Variants in MYO3A observed in about 807,000 individuals in gnomAD.
The protein encoded by MYO3A is myosin IIIA.
In MYO3A, 180 loss-of-function variants were observed where a neutral mutation model predicts 192.7. The observed-to-expected ratio is 0.93, with a 90% CI of 0.83 to 1.06. The LOEUF is 1.06. Ranked by LOEUF, MYO3A falls within the 50% of genes least tolerant of loss-of-function variation. The pLI is 0.00. For synonymous variants in MYO3A, 628 were observed against 645.3 expected, an observed-to-expected ratio of 0.97 and a Z score of 0.41; for missense variants, 1,896 against 1,905.0, an observed-to-expected ratio of 1.00 and a Z score of 0.09.
chr10:26,109,533 A>C (rs949356623), intron 17 of MYO3A, among the ~76,000 whole-genome samples: 1 of 152,176 alleles, frequency 6.6e-6, no homozygotes, highest in Non-Finnish European at 1.5e-5. Flanking sequence ...CAGTTCAAAA[A>C]TACATAGTAC....
At chr10:26,138,770 A>G (rs1005983348) in intron 20 of MYO3A, among the ~76,000 whole-genome samples, 1 of 152,230 alleles carries the variant, frequency 6.6e-6, no homozygotes, top group Non-Finnish European at 1.5e-5. Flanking sequence ...AAGTCAGTCC[A>G]CTGAGATCAA....
intron 10 of MYO3A, among the ~76,000 whole-genome samples, chr10:26,060,302 TTTAA>T (rs71401871): frequency 0.47 from 68,795 of 147,678 alleles, 16,721 homozygotes; most frequent in Middle Eastern, 0.58. Context: ...AATAAATAAA[TTTAA>T]AAAATACAAA....
chr10:26,010,296 C>T (rs1320134060), intron 6 of MYO3A, among the ~76,000 whole-genome samples: 1 of 152,108 alleles, frequency 6.6e-6, no homozygotes, highest in Non-Finnish European at 1.5e-5. Flanking sequence ...TGTAGAGACT[C>T]ATTGAATCTT....
intron 2 of MYO3A, among the ~76,000 whole-genome samples, chr10:25,946,732 A>T (rs1208316387): frequency 6.6e-6 from 1 of 151,764 alleles, no homozygotes; most frequent in Non-Finnish European, 1.5e-5. Flanking sequence ...ACAAAAAATT[A>T]GCCGGGCATG....
intron 10 of MYO3A, among the ~76,000 whole-genome samples, chr10:26,045,466 T>C (rs1389321759): frequency 6.6e-6 from 1 of 152,210 alleles, no homozygotes; most frequent in Non-Finnish European, 1.5e-5. Flanking sequence ...CAGTTCCTGG[T>C]CCATAACTTC....
At chr10:26,053,023 T>C (rs1588867118) in intron 10 of MYO3A, among the ~76,000 whole-genome samples, 3 of 152,236 alleles carry the variant, frequency 2.0e-5, no homozygotes, top group Middle Eastern at 3.4e-3. Flanking sequence ...AAAATTCTTA[T>C]AGAAGGATTC....
intron 17 of MYO3A, among the ~76,000 whole-genome samples, chr10:26,101,637 C>A (rs372976762): frequency 2.6e-5 from 4 of 151,910 alleles, no homozygotes; most frequent in African/African-American, 4.8e-5. Flanking sequence ...AAAGGATTTT[C>A]TTTCTCCTTC....
At chr10:26,109,414 G>C (rs1838022563) in intron 17 of MYO3A, among the ~76,000 whole-genome samples, 1 of 152,230 alleles carries the variant, frequency 6.6e-6, no homozygotes, top group South Asian at 2.1e-4. Flanking sequence ...TGAGTAGCAT[G>C]ATGAAATCCC....
intron 4 of MYO3A, among the ~76,000 whole-genome samples, chr10:25,955,274 A>G (rs1468902749): frequency 6.6e-6 from 1 of 152,192 alleles, no homozygotes; most frequent in East Asian, 1.9e-4. Flanking sequence ...CCACAGAAAA[A>G]TTAAAAGGGA....
chr10:26,018,254 C>T (rs1013171544), intron 7 of MYO3A, among the ~76,000 whole-genome samples: 13 of 151,652 alleles, frequency 8.6e-5, no homozygotes, highest in African/African-American at 2.9e-4. Context: ...AGGTTCACTA[C>T]AGTTTTTTTC....
intron 4 of MYO3A, among the ~76,000 whole-genome samples, chr10:25,957,264 G>A (rs149497225): frequency 0.011 from 1,648 of 152,182 alleles, 24 homozygotes; most frequent in African/African-American, 0.037. Flanking sequence ...TCTCATGATA[G>A]TGAATAAGTC....
At chr10:25,968,016 T>C (rs1190705686) in intron 4 of MYO3A, among the ~76,000 whole-genome samples, 7 of 152,144 alleles carry the variant, frequency 4.6e-5, no homozygotes. Flanking sequence ...GGGTGGAGGA[T>C]ATCATTTAAA....
rs1283865090 is a variant in MYO3A at position 26,157,355 on chromosome 10, C to T, written c.2839C>T (p.His947Tyr). The T allele has an allele frequency of 3.7e-6, 6 of 1,614,024 alleles. No individual in the cohort carries two copies. Among genetic ancestry groups the T allele is most frequent in the East Asian group, 2.2e-5 (1 of 44,888 alleles). ...GTCTAAAATGGTGGTGGGCCAACCT[C>T]ATTTTGTCCGTTGCATCAAACCAAA... Reference protein sequence around the residue: ...LLSKMVVGQPHFVRCIKPNSE... With the variant: ...LLSKMVVGQPYFVRCIKPNSE... Residue 947 changes from histidine to tyrosine, a missense_variant, in exon 26 of 35, where the codon CAT becomes TAT. His to Tyr is a moderately conservative substitution (Grantham distance 83, BLOSUM62 2). Transcript: ENST00000642920.
chr10:26,044,073 A>C (rs930911296), intron 10 of MYO3A, among the ~76,000 whole-genome samples: 1 of 152,170 alleles, frequency 6.6e-6, no homozygotes, highest in Non-Finnish European at 1.5e-5. Flanking sequence ...AGTCAGCAGC[A>C]TATCTTCTGG....
At chr10:26,159,720 A>G (rs1052863130) in intron 26 of MYO3A, among the ~76,000 whole-genome samples, 1 of 152,114 alleles carries the variant, frequency 6.6e-6, no homozygotes, top group African/African-American at 2.4e-5. Flanking sequence ...TTTATTTGGA[A>G]TGCTTTGAAA....
At chr10:26,155,819 TC>T (rs1221992537) in intron 25 of MYO3A, among the ~76,000 whole-genome samples, 1 of 152,224 alleles carries the variant, frequency 6.6e-6, no homozygotes, top group Non-Finnish European at 1.5e-5. Flanking sequence ...CCAAGTTGTT[TC>T]CTTTTTTTAA....
intron 10 of MYO3A, among the ~76,000 whole-genome samples, chr10:26,058,903 T>A (rs1834291215): frequency 6.6e-6 from 1 of 151,210 alleles, no homozygotes; most frequent in African/African-American, 2.4e-5. Context: ...TTTTCTTGTA[T>A]GTATTTTGTT....
chr10:25,934,403 G>A (rs995152302), intron 1 of MYO3A, 75 bp downstream of exon 1: 1 of 152,298 alleles, frequency 6.6e-6, no homozygotes, highest in Admixed American at 6.5e-5. Flanking sequence ...GCTGGAAACG[G>A]CCCCGCTTCC....
Position 26,212,220 on chromosome 10 carries a change from G to GC in MYO3A, c.*259dup. The GC allele has an allele frequency of 1.9e-6, 1 of 520,826 alleles. No homozygotes were observed. The highest frequency in any genetic ancestry group is 3.4e-6 in the Non-Finnish European group (1 of 296,140). 32.3% of individuals were successfully genotyped at this position (520,826 alleles called of 1,614,324 possible). A position where few individuals can be genotyped will look rare whatever the true frequency, so the allele number is the denominator to read the frequency against. On this transcript the variant is annotated 3_prime_UTR_variant, in exon 35 of 35. Transcript: ENST00000642920. ...CCGCACCCTCCTTTCTCACCAGCCC[G>GC]CCAGTTGTGGCAACCCTGTCCTTGT...
Sources: allele counts gnomAD v4.1 joint callset (sites outside exome capture counted in the v4.1 genomes callset), GRCh38; gene constraint gnomAD v4.1.1; transcripts MANE v1.5; gene names NCBI Gene and HGNC (gene_info 2026-07-23, HGNC 2026-07-21).